The following ARID3A variants were observed in gnomAD, a reference collection of about 807,000 sequenced individuals.
ARID3A encodes the protein AT-rich interaction domain 3A.
Under a neutral mutation model 52.7 loss-of-function variants are expected in ARID3A, and 11 were observed. The observed-to-expected ratio is 0.21, with a 90% CI of 0.13 to 0.35. ARID3A has a LOEUF of 0.35. ARID3A is among the 10% of genes least tolerant of loss of function. The pLI is 1.00. For synonymous variants in ARID3A, 404 were observed against 359.4 expected (o/e 1.12, Z -1.40); for missense variants, 721 against 838.5 (o/e 0.86, Z 1.73).
chr19:975,188 G>A lies in ARID3A; in HGVS notation c.*3123G>A, dbSNP rs1167230487. ...CAGTCCCCTCAGCCACGAGGACCCT[G>A]GATGGGTTCTAGTTCACTTGGGACC... is the stretch of plus-strand genomic sequence containing the variant. On this transcript the variant is annotated 3_prime_UTR_variant, in exon 9 of 9. Coordinates refer to ENST00000263620, the MANE Select transcript of ARID3A (RefSeq NM_005224.3). 3.0e-5 allele frequency: 7 copies of A among 231,636 alleles called. No homozygotes were observed. The highest frequency in any genetic ancestry group is 6.0e-5 in the Non-Finnish European group (7 of 117,106). 14.3% of individuals were successfully genotyped at this position (231,636 alleles called of 1,614,324 possible).
At chr19:949,711 C>T (rs1315879178) in intron 3 of ARID3A, among the ~76,000 whole-genome samples, 4 of 140,444 alleles carry the variant, frequency 2.8e-5, no homozygotes, top group African/African-American at 1.1e-4. Context: ...GAGTCTCGCT[C>T]TGTCGCCCAG....
At chr19:969,294 C>T (rs1023943148) in intron 8 of ARID3A, among the ~76,000 whole-genome samples, 3 of 151,828 alleles carry the variant, frequency 2.0e-5, no homozygotes, top group Admixed American at 6.6e-5. Context: ...TCCAGCACTT[C>T]GGGAGGTTAA....
At chr19:945,993 T>C (rs1427245506) in intron 3 of ARID3A, among the ~76,000 whole-genome samples, 1 of 152,148 alleles carries the variant, frequency 6.6e-6, no homozygotes, top group Non-Finnish European at 1.5e-5. Flanking sequence ...TGCCCAGCTC[T>C]GGGCAAAGTG....
At position 964,533 on chromosome 19, in the gene ARID3A, A is replaced by G. The variant is rs2038106951; in HGVS notation, c.950+102A>G. 1 of 1,420,608 alleles carries G rather than the reference A, an allele frequency of 7.0e-7. No homozygotes were observed. Among genetic ancestry groups the G allele is most frequent in the South Asian group, 1.4e-5 (1 of 72,306 alleles). 88.0% of individuals were successfully genotyped at this position (1,420,608 alleles called of 1,614,324 possible). On this transcript the variant is annotated intron_variant, in intron 5 of 8. Coordinates refer to ENST00000263620, the MANE Select transcript of ARID3A (RefSeq NM_005224.3). The surrounding 1 kb of genome is among the most constrained non-coding windows in gnomAD (Gnocchi z 5.7). ...AGGGGGTGGTGGGCAGCTGCAGAGG[A>G]GGGGGCAGTGGGCAGCCGCAAAGGG...
At chr19:932,844 C>T (rs940328719) in intron 3 of ARID3A, 102 bp downstream of exon 3, 65 of 1,495,834 alleles carry the variant, frequency 4.3e-5, no homozygotes, top group African/African-American at 1.4e-4. Flanking sequence ...AGCCGGGCGT[C>T]GAGTTGAGAG....
At position 942,277 on chromosome 19, in the gene ARID3A, C is replaced by A. The variant is rs563893257; in HGVS notation, c.693+9535C>A. On this transcript the variant is annotated intron_variant, in intron 3 of 8. Coordinates refer to ENST00000263620, the MANE Select transcript of ARID3A (RefSeq NM_005224.3). This position sits in a 1 kb window ranked among gnomAD's most constrained non-coding sequence, Gnocchi z 8.1. The stretch of plus-strand genomic sequence containing the variant: ...CTGAAGTCCAGGTCCCTTCGATGGC[C>A]CAAATTACCTGACTGTCGATCCTGA... 3.3e-5 allele frequency among the ~76,000 whole-genome samples: 5 copies of A among 152,302 alleles called. No homozygotes were observed. In the South Asian group the frequency reaches 1.0e-3, roughly 32 times the overall value.
intron 3 of ARID3A, among the ~76,000 whole-genome samples, chr19:957,498 G>C (rs879256774): frequency 1.3e-5 from 2 of 152,198 alleles, no homozygotes; most frequent in East Asian, 1.9e-4. Context: ...TTTTTGCAGC[G>C]ATTTGCTGTG....
intron 3 of ARID3A, among the ~76,000 whole-genome samples, chr19:936,018 C>T (rs1040453793): frequency 1.3e-5 from 2 of 149,486 alleles, no homozygotes; most frequent in Non-Finnish European, 3.0e-5. Flanking sequence ...TCTCGATCTC[C>T]TGACCTTGTG....
chr19:950,823 T>C (rs1419934973), intron 3 of ARID3A, among the ~76,000 whole-genome samples: 3 of 151,646 alleles, frequency 2.0e-5, no homozygotes, highest in African/African-American at 2.4e-5. Context: ...ATTAGTTCTT[T>C]ATTTTGTTTT....
chr19:949,699 T>TG (rs2037765358), intron 3 of ARID3A, among the ~76,000 whole-genome samples: 2 of 131,290 alleles, frequency 1.5e-5, no homozygotes, highest in South Asian at 4.7e-4. Flanking sequence ...TTTTTTGAGA[T>TG]GGAGTCTCGC....
chr19:969,479 G>A (rs34123978), intron 8 of ARID3A, among the ~76,000 whole-genome samples: 1 of 151,778 alleles, frequency 6.6e-6, no homozygotes, highest in Non-Finnish European at 1.5e-5. Context: ...GGAGGTTGCA[G>A]TGAGTCAAGA....
rs1179033854 is a variant in ARID3A, at chr19:974,431, C to G, written c.*2366C>G. 1.7e-5 allele frequency: 4 copies of G among 230,972 alleles called. No homozygotes were observed. In the East Asian group the frequency reaches 1.8e-4, roughly 11 times the overall value. 14.3% of individuals were successfully genotyped at this position (230,972 alleles called of 1,614,324 possible). A position where few individuals can be genotyped will look rare whatever the true frequency, so the allele number is the denominator to read the frequency against. On this transcript the variant is annotated 3_prime_UTR_variant, in exon 9 of 9. Transcript: ENST00000263620. The stretch of plus-strand genomic sequence containing the variant: ...CTCGCAGAACCACCTGGACTCTGTC[C>G]GTGTCTGTCCCCCGGCCTCCAGGGC...
At chr19:946,684 G>A (rs1342255706) in intron 3 of ARID3A, among the ~76,000 whole-genome samples, 3 of 151,722 alleles carry the variant, frequency 2.0e-5, no homozygotes, top group East Asian at 1.9e-4. Context: ...CAAGTGATCC[G>A]CCTGCCTCGG....
At chr19:962,437 CCTT>C (rs1160976750) in intron 4 of ARID3A, among the ~76,000 whole-genome samples, 1 of 151,888 alleles carries the variant, frequency 6.6e-6, no homozygotes, top group Non-Finnish European at 1.5e-5. Flanking sequence ...GCTCCCAGCT[CCTT>C]CTGTAAACAT....
chr19:966,216 T>A (rs1387780933), intron 6 of ARID3A, among the ~76,000 whole-genome samples: 1 of 150,420 alleles, frequency 6.6e-6, no homozygotes, highest in Non-Finnish European at 1.5e-5. Context: ...TCCCAGCACT[T>A]TGGGAGGCCG....
In ARID3A at chr19:947,650, C is replaced by A. The variant is rs190666372; in HGVS notation, c.694-12442C>A. 6.6e-6 allele frequency among the ~76,000 whole-genome samples: 1 copy of A among 152,204 alleles called. No homozygotes were observed. The highest frequency in any genetic ancestry group is 2.4e-5 in the African/African-American group (1 of 41,446). On this transcript the variant is annotated intron_variant, in intron 3 of 8. Transcript: ENST00000263620. The surrounding 1 kb of genome is among the most constrained non-coding windows in gnomAD (Gnocchi z 6.3). ...AGGGTCTGGCGTCAGCAAGCTCCCC[C>A]GGAATCTCGTGATCTGGAAATCCAC...
chr19:948,702 CTTTTTTTTTTT>C (rs35592836), intron 3 of ARID3A, among the ~76,000 whole-genome samples: 1 of 77,288 alleles, frequency 1.3e-5, no homozygotes, highest in African/African-American at 5.3e-5. Flanking sequence ...GGCCTGGAGT[CTTTTTTTTTTT>C]TTTTTTTTTT....
Position 972,482 on chromosome 19 carries a change from C to G in ARID3A, c.*417C>G, listed in dbSNP as rs963063454. 4.6e-6 allele frequency: 1 copy of G among 215,870 alleles called. No homozygotes were observed. The highest frequency in any genetic ancestry group is 2.3e-5 in the African/African-American group (1 of 44,268). The allele number at this position is 215,870 out of a possible 1,614,324, so 13.4% of individuals were successfully genotyped here. On this transcript the variant is annotated 3_prime_UTR_variant, in exon 9 of 9. Transcript: ENST00000263620. ...GGCCGATCCTGTTTACCTCATACAT[C>G]CCTGCACTGTGTGTTTTCATTTTTG...
rs778078761 is a variant in ARID3A at position 930,756 on chromosome 19, G to T, written c.368+860G>T. Among the ~76,000 whole-genome samples the T allele has an allele frequency of 3.3e-5, 5 of 151,236 alleles. No homozygotes were observed. The East Asian group carries it at 8.1e-4, about 24-fold the overall frequency. ...GATCTCCTGACCTCATGATCTGCCT[G>T]CCTTGGCCTCCCAAAGTGCTGGGAT... On this transcript the variant is annotated intron_variant, in intron 2 of 8. Coordinates refer to ENST00000263620, the MANE Select transcript of ARID3A (RefSeq NM_005224.3).
Sources: gnomAD v4.1 joint callset for allele counts (sites outside exome capture counted in the v4.1 genomes callset) on GRCh38, gnomAD v4.1.1 for gene constraint, Gnocchi (gnomAD v3.1) non-coding constraint, MANE v1.5 for transcripts, NCBI Gene and HGNC (gene_info 2026-07-23, HGNC 2026-07-21) for gene names.